The following OR2L13 variants were observed in gnomAD, a reference collection of about 807,000 sequenced individuals.
OR2L13 encodes olfactory receptor 2L13.
OR2L13 carries 14 observed loss-of-function variants against 15.3 expected under a neutral mutation model. The observed-to-expected ratio is 0.91, with a 90% CI of 0.60 to 1.43. OR2L13 has a LOEUF of 1.43. Among genes scored for constraint, OR2L13 ranks in the 40% most tolerant of loss-of-function variants. The pLI is 0.00. For missense variants in OR2L13, 367 were observed against 387.9 expected (o/e 0.95, Z 0.45); for synonymous variants, 152 against 142.9 (o/e 1.06, Z -0.45).
At chr1:247,994,167 C>A in the OR2L13 span, among the ~76,000 whole-genome samples, 2 of 152,144 alleles carry the variant, frequency 1.3e-5, no homozygotes, top group African/African-American at 4.8e-5. Flanking sequence ...GAGGCCGAGG[C>A]GGGCGGATCA....
the OR2L13 span, among the ~76,000 whole-genome samples, chr1:247,948,477 C>T: frequency 1.3e-5 from 2 of 152,026 alleles, no homozygotes; most frequent in Non-Finnish European, 2.9e-5. Context: ...ATGTTGATCT[C>T]ATCAAATGTG....
At chr1:247,964,909 C>A in the OR2L13 span, among the ~76,000 whole-genome samples, 28 of 148,604 alleles carry the variant, frequency 1.9e-4, no homozygotes, top group African/African-American at 2.5e-5. Context: ...TTCATAAATA[C>A]ACATGAGTAA....
chr1:247,939,170 G>A, the OR2L13 span: 8 of 152,244 alleles, frequency 5.3e-5, no homozygotes, highest in Non-Finnish European at 1.2e-4. Flanking sequence ...ACCTGGCTTA[G>A]TAAGTAAACA....
the OR2L13 span, chr1:248,003,407 T>C: frequency 1.2e-6 from 2 of 1,609,662 alleles, no homozygotes; most frequent in African/African-American, 1.3e-5. Flanking sequence ...GTCTATCTCC[T>C]TCACTGGGTG....
chr1:248,053,046 T>C, the OR2L13 span, among the ~76,000 whole-genome samples: 2 of 152,034 alleles, frequency 1.3e-5, no homozygotes, highest in African/African-American at 4.8e-5. Flanking sequence ...CACGTATCAA[T>C]CCATCACCTA....
At chr1:248,064,478 A>G in the OR2L13 span, among the ~76,000 whole-genome samples, 27 of 152,314 alleles carry the variant, frequency 1.8e-4, no homozygotes, top group East Asian at 4.8e-3. Flanking sequence ...TAGGTTACCC[A>G]GTTTAAGACA....
chr1:247,986,853 T>C, the OR2L13 span, among the ~76,000 whole-genome samples: 1 of 152,218 alleles, frequency 6.6e-6, no homozygotes, highest in African/African-American at 2.4e-5. Context: ...TATTCCTACG[T>C]ATTTTATTCT....
chr1:248,038,147 A>G, the OR2L13 span: 1 of 694,722 alleles, frequency 1.4e-6, no homozygotes, highest in East Asian at 2.6e-5. Flanking sequence ...AGGGTTCAGT[A>G]TCAACCCCAG....
the OR2L13 span, among the ~76,000 whole-genome samples, chr1:248,043,974 C>G: frequency 1.3e-5 from 2 of 152,278 alleles, no homozygotes; most frequent in South Asian, 4.1e-4. Context: ...GTCGGGATAT[C>G]TGGACACTCC....
At chr1:247,968,694 A>G in the OR2L13 span, among the ~76,000 whole-genome samples, 4 of 152,230 alleles carry the variant, frequency 2.6e-5, no homozygotes, top group South Asian at 6.2e-4. Flanking sequence ...TTATGGCTGC[A>G]TAGTATTCCA....
chr1:247,957,383 G>A, the OR2L13 span, among the ~76,000 whole-genome samples: 1 of 152,134 alleles, frequency 6.6e-6, no homozygotes, highest in Non-Finnish European at 1.5e-5. Context: ...ATGTTCATCA[G>A]GGATATTGGT....
At chr1:247,953,325 G>T in the OR2L13 span, among the ~76,000 whole-genome samples, 95 of 152,036 alleles carry the variant, frequency 6.2e-4, no homozygotes, top group Non-Finnish European at 1.1e-3. Context: ...TTCTTTAATT[G>T]TTTCATGTCC....
chr1:248,084,595 A>G, the OR2L13 span: 2 of 1,602,896 alleles, frequency 1.2e-6, no homozygotes, highest in African/African-American at 1.3e-5. Context: ...TCTCATCTCC[A>G]TAATTTCCCC....
At chr1:248,071,659 T>C in the OR2L13 span, among the ~76,000 whole-genome samples, 2 of 151,826 alleles carry the variant, frequency 1.3e-5, no homozygotes, top group Admixed American at 6.6e-5. Context: ...ATAAAGGGTA[T>C]TCAATTAGGA....
the OR2L13 span, chr1:247,966,273 G>T: frequency 1.4e-5 from 23 of 1,613,564 alleles, no homozygotes; most frequent in Non-Finnish European, 1.9e-5. Flanking sequence ...AAGTGACGGG[G>T]GCAGTGAGGA....
At chr1:248,000,525 G>C in the OR2L13 span, among the ~76,000 whole-genome samples, 1 of 152,168 alleles carries the variant, frequency 6.6e-6, no homozygotes, top group Non-Finnish European at 1.5e-5. Context: ...GCAACGCAAT[G>C]ATGCTTTTTG....
the OR2L13 span, among the ~76,000 whole-genome samples, chr1:248,017,495 T>C: frequency 1.3e-5 from 2 of 152,188 alleles, no homozygotes; most frequent in Non-Finnish European, 2.9e-5. Context: ...CAAAGTCATG[T>C]TAACAAGAGC....
chr1:247,993,797 G>GAA, the OR2L13 span, among the ~76,000 whole-genome samples: 1 of 136,662 alleles, frequency 7.3e-6, no homozygotes, highest in Non-Finnish European at 1.5e-5. Flanking sequence ...GAGAGAGAGA[G>GAA]AGAGAGAGAG....
the OR2L13 span, among the ~76,000 whole-genome samples, chr1:248,079,808 A>C: frequency 6.6e-6 from 1 of 152,336 alleles, no homozygotes; most frequent in South Asian, 2.1e-4. Context: ...TATGACTTGG[A>C]TTAGGCCAAG....
Sources: allele counts gnomAD v4.1 joint callset (sites outside exome capture counted in the v4.1 genomes callset), GRCh38; gene constraint gnomAD v4.1.1; transcripts MANE v1.5; gene names NCBI Gene and HGNC (gene_info 2026-07-23, HGNC 2026-07-21).